Variants in FNIP1 observed in about 807,000 individuals in gnomAD.
FNIP1 encodes the protein folliculin interacting protein 1.
A neutral mutation model predicts 124.5 loss-of-function variants in FNIP1; 40 were observed. The ratio of observed to expected loss-of-function variants is 0.32; its 90% CI spans 0.25 to 0.42. The LOEUF is 0.42. Among genes scored for constraint, FNIP1 ranks in the 10% least tolerant of loss-of-function variants. FNIP1 has a pLI of 1.00. For missense variants in FNIP1, 1,176 were observed against 1,403.7 expected (o/e 0.84, Z 2.59); for synonymous variants, 472 against 470.6 (o/e 1.00, Z -0.04).
intron 11 of FNIP1, among the ~76,000 whole-genome samples, chr5:131,692,719 G>C (rs1202981779): frequency 6.6e-6 from 1 of 152,006 alleles, no homozygotes; most frequent in Non-Finnish European, 1.5e-5. Context: ...TTGGTCAAAG[G>C]ACACAAAATT....
At chr5:131,693,315 T>TAC (rs1226278607) in intron 11 of FNIP1, among the ~76,000 whole-genome samples, 7 of 19,104 alleles carry the variant, frequency 3.7e-4, no homozygotes, top group Non-Finnish European at 5.5e-4. Flanking sequence ...TATATATATA[T>TAC]ACACATATAT....
chr5:131,766,362 C>A (rs1224480337), intron 1 of FNIP1, among the ~76,000 whole-genome samples: 1 of 151,938 alleles, frequency 6.6e-6, no homozygotes, highest in African/African-American at 2.4e-5. Flanking sequence ...AAAGCCCTGC[C>A]CCTACTTATC....
chr5:131,761,095 T>C (rs956546049), intron 1 of FNIP1, among the ~76,000 whole-genome samples: 41 of 152,338 alleles, frequency 2.7e-4, no homozygotes, highest in Non-Finnish European at 1.5e-5. Context: ...AACCTCTGAA[T>C]AGATTTTACT....
Position 131,643,592 on chromosome 5 carries a change from T to C in FNIP1, c.*1093A>G, listed in dbSNP as rs545918370. The C allele has an allele frequency of 1.1e-4, 17 of 152,796 alleles. No individual in the cohort carries two copies. Among genetic ancestry groups the C allele is most frequent in the South Asian group, 8.3e-4 (4 of 4,826 alleles). The allele number at this position is 152,796 out of a possible 1,614,324, so 9.5% of individuals were successfully genotyped here. On this transcript the variant is annotated 3_prime_UTR_variant, in exon 18 of 18. Coordinates refer to ENST00000510461, the MANE Select transcript of FNIP1 (RefSeq NM_133372.3). Reference sequence around the variant, plus strand: ...TCTATAGTATGTACAAAGGCAACAATTGAGAAGTGAAAATCTTTGAAAAAA... The same window carrying C: ...TCTATAGTATGTACAAAGGCAACAACTGAGAAGTGAAAATCTTTGAAAAAA...
At chr5:131,668,208 A>G (rs565388209) in intron 15 of FNIP1, among the ~76,000 whole-genome samples, 5 of 152,374 alleles carry the variant, frequency 3.3e-5, no homozygotes, top group Non-Finnish European at 7.3e-5. Flanking sequence ...AGAGGTGAAC[A>G]AAGTAGGTTC....
intron 1 of FNIP1, among the ~76,000 whole-genome samples, chr5:131,772,207 A>G (rs915688440): frequency 6.6e-6 from 1 of 152,158 alleles, no homozygotes; most frequent in Admixed American, 6.6e-5. Context: ...GCCAAACTGT[A>G]GGGATAAAAA....
chr5:131,746,949 GACT>G (rs1770703646), intron 1 of FNIP1, among the ~76,000 whole-genome samples: 1 of 152,004 alleles, frequency 6.6e-6, no homozygotes, highest in Non-Finnish European at 1.5e-5. Context: ...GTTATTTTTT[GACT>G]TTTTAATAAT....
At chr5:131,761,266 C>T (rs1422201855) in intron 1 of FNIP1, among the ~76,000 whole-genome samples, 1 of 152,090 alleles carries the variant, frequency 6.6e-6, no homozygotes, top group African/African-American at 2.4e-5. Context: ...CCAGGAAGTC[C>T]TAGCTGGAGC....
intron 1 of FNIP1, among the ~76,000 whole-genome samples, chr5:131,764,850 G>A (rs1439760733): frequency 6.6e-6 from 1 of 151,966 alleles, no homozygotes; most frequent in Non-Finnish European, 1.5e-5. Flanking sequence ...CATGAAAATG[G>A]CTGTTATACT....
intron 2 of FNIP1, among the ~76,000 whole-genome samples, chr5:131,742,147 A>C (rs1306643222): frequency 6.6e-6 from 1 of 152,168 alleles, no homozygotes; most frequent in Non-Finnish European, 1.5e-5. Flanking sequence ...TAATTTTTTT[A>C]AAAAGAATGT....
chr5:131,698,831 AT>A, intron 11 of FNIP1, 85 bp downstream of exon 11: 2 of 1,192,290 alleles, frequency 1.7e-6, no homozygotes, highest in Non-Finnish European at 2.3e-6. Context: ...AAGAAATCAA[AT>A]TTTATTAGAA....
chr5:131,775,448 A>C (rs1275377112), intron 1 of FNIP1, among the ~76,000 whole-genome samples: 2 of 72,488 alleles, frequency 2.8e-5, no homozygotes, highest in Non-Finnish European at 6.2e-5. Context: ...GTTCATTTAA[A>C]AATAAAATAT....
At chr5:131,762,440 C>T (rs1771262573) in intron 1 of FNIP1, among the ~76,000 whole-genome samples, 1 of 152,004 alleles carries the variant, frequency 6.6e-6, no homozygotes, top group African/African-American at 2.4e-5. Flanking sequence ...AGGCAAAAGA[C>T]CTGAATAGAC....
At chr5:131,719,827 A>G (rs1476262248) in intron 3 of FNIP1, among the ~76,000 whole-genome samples, 2 of 152,228 alleles carry the variant, frequency 1.3e-5, no homozygotes, top group African/African-American at 2.4e-5. Context: ...AATATGCAGA[A>G]TAATTTTTAC....
At position 131,718,107 on chromosome 5, in the gene FNIP1, G is replaced by A. The variant is rs141130118; in HGVS notation, c.530+879C>T. ...CTCTGGAGGCTGAGTCAGGAGAATC[G>A]CTTGAACCCAGGACAGAGGTTGCAG... On this transcript the variant is annotated intron_variant, in intron 5 of 17. Coordinates refer to ENST00000510461, the MANE Select transcript of FNIP1 (RefSeq NM_133372.3). Among the ~76,000 whole-genome samples the A allele has an allele frequency of 4.6e-3, 690 of 150,574 alleles. 5 individuals are homozygous for A. Among genetic ancestry groups the A allele is most frequent in the African/African-American group, 0.015 (619 of 40,956 alleles).
intron 15 of FNIP1, among the ~76,000 whole-genome samples, chr5:131,654,676 G>A (rs907180959): frequency 6.6e-6 from 1 of 152,146 alleles, no homozygotes; most frequent in Non-Finnish European, 1.5e-5. Flanking sequence ...AGGGAGTTTC[G>A]CAGTGAAAGG....
chr5:131,708,939 AT>A (rs1769204200), intron 8 of FNIP1, among the ~76,000 whole-genome samples: 1 of 152,086 alleles, frequency 6.6e-6, no homozygotes, highest in Admixed American at 6.6e-5. Flanking sequence ...TTTCTGACCA[AT>A]GCTTTTCTTC....
In FNIP1 at chr5:131,673,657, G is replaced by C. The variant is rs113144528; in HGVS notation, c.1520-733C>G. Among the ~76,000 whole-genome samples the C allele has an allele frequency of 6.3e-3, 953 of 152,280 alleles. 5 individuals are homozygous for C. Among genetic ancestry groups the C allele is most frequent in the African/African-American group, 0.022 (902 of 41,554 alleles). On this transcript the variant is annotated intron_variant, in intron 13 of 17. Coordinates refer to ENST00000510461, the MANE Select transcript of FNIP1 (RefSeq NM_133372.3). ...AAAAGACAAAGCACAATATCCACTG[G>C]CTTGCAAGGAGAGGAAAGGAGTAGT...
Position 131,697,375 on chromosome 5 carries a change from T to C in FNIP1, c.1202+1542A>G, listed in dbSNP as rs529446788. 5.9e-5 allele frequency among the ~76,000 whole-genome samples: 9 copies of C among 152,270 alleles called. No individual in the cohort carries two copies. The East Asian group carries it at 1.7e-3, about 29-fold the overall frequency. On this transcript the variant is annotated intron_variant, in intron 11 of 17. Transcript: ENST00000510461. ...CCTGAGCTCAAGCAATCTAACCACCTTGGCCTCCCAAAGTACTGGGATTAC... is the reference window on the plus strand; with the variant it reads ...CCTGAGCTCAAGCAATCTAACCACCCTGGCCTCCCAAAGTACTGGGATTAC...
Sources: allele counts gnomAD v4.1 joint callset (sites outside exome capture counted in the v4.1 genomes callset), GRCh38; gene constraint gnomAD v4.1.1; transcripts MANE v1.5; gene names NCBI Gene and HGNC (gene_info 2026-07-23, HGNC 2026-07-21).